The following KLHL32 variants were observed in gnomAD, a reference collection of about 807,000 sequenced individuals.
KLHL32 encodes the protein kelch-like protein 32.
In KLHL32, 35 loss-of-function variants were observed where a neutral mutation model predicts 64.8. That is an observed-to-expected ratio of 0.54 (90% CI 0.41 to 0.72). The LOEUF (loss-of-function observed/expected upper bound fraction) is 0.72, where lower values mean the gene tolerates loss of function less well. Ranked by LOEUF, KLHL32 falls within the 30% of genes least tolerant of loss-of-function variation. The pLI, the probability that KLHL32 is intolerant of heterozygous loss-of-function variation, is 0.00. For synonymous variants in KLHL32, 259 were observed against 281.0 expected, an observed-to-expected ratio of 0.92 and a Z score of 0.78; for missense variants, 589 against 768.5, an observed-to-expected ratio of 0.77 and a Z score of 2.76.
chr6:97,065,049 T>C (rs1562297715), intron 5 of KLHL32, among the ~76,000 whole-genome samples: 1 of 152,052 alleles, frequency 6.6e-6, no homozygotes, highest in Non-Finnish European at 1.5e-5. Context: ...GGAGTCCTAG[T>C]CCGAAGCAAT....
At chr6:97,105,868 T>G (rs1796345789) in intron 6 of KLHL32, among the ~76,000 whole-genome samples, 2 of 152,222 alleles carry the variant, frequency 1.3e-5, no homozygotes, top group African/African-American at 4.8e-5. Flanking sequence ...AGCCTGCTTT[T>G]TAAGGGCACT....
intron 6 of KLHL32, among the ~76,000 whole-genome samples, chr6:97,100,090 C>T (rs925755397): frequency 2.6e-5 from 4 of 151,864 alleles, no homozygotes; most frequent in Non-Finnish European, 5.9e-5. Context: ...AGCAGTACGC[C>T]AAGATTGTGC....
chr6:97,009,556 G>A lies in KLHL32; in HGVS notation c.205-31936G>A, dbSNP rs1219598428. ...GTGTATGGACTGGAAAAATGCATGC[G>A]AGATGTTCCTTTGCTTTGTATATTG... On this transcript the variant is annotated intron_variant, in intron 3 of 10. Transcript: ENST00000369261. 3.3e-5 allele frequency among the ~76,000 whole-genome samples: 5 copies of A among 152,238 alleles called. No homozygotes were observed. The East Asian group carries it at 9.6e-4, about 29-fold the overall frequency.
At chr6:96,974,249 T>C (rs1440077586) in intron 2 of KLHL32, among the ~76,000 whole-genome samples, 1 of 152,194 alleles carries the variant, frequency 6.6e-6, no homozygotes, top group Non-Finnish European at 1.5e-5. Flanking sequence ...TTCTCAAATA[T>C]ATTAAAAAGT....
At chr6:96,989,667 T>A (rs1777610429) in intron 3 of KLHL32, among the ~76,000 whole-genome samples, 1 of 152,132 alleles carries the variant, frequency 6.6e-6, no homozygotes, top group Admixed American at 6.6e-5. Flanking sequence ...CTTGGGAAAT[T>A]TTTCTGGATA....
chr6:96,978,661 G>C (rs1042995371), intron 3 of KLHL32, among the ~76,000 whole-genome samples: 2 of 152,188 alleles, frequency 1.3e-5, no homozygotes, highest in African/African-American at 4.8e-5. Context: ...TCTATACCCA[G>C]TAATGGGATT....
the KLHL32 span, among the ~76,000 whole-genome samples, chr6:96,900,416 T>C: frequency 3.5e-4 from 53 of 152,358 alleles, no homozygotes; most frequent in African/African-American, 1.3e-3. Context: ...AGACTCATGT[T>C]CTTCAATAAT....
At chr6:97,101,196 T>A (rs914145608) in intron 6 of KLHL32, among the ~76,000 whole-genome samples, 5 of 152,106 alleles carry the variant, frequency 3.3e-5, no homozygotes, top group African/African-American at 1.2e-4. Context: ...ACAGTTTTTT[T>A]AAACCATAAA....
At chr6:96,907,686 G>A in the KLHL32 span, among the ~76,000 whole-genome samples, 1 of 152,126 alleles carries the variant, frequency 6.6e-6, no homozygotes, top group Non-Finnish European at 1.5e-5. Flanking sequence ...TGTGATCTTA[G>A]GATGCCACAA....
rs1448821429 is a variant in KLHL32, at chr6:97,140,205, T to TAC, written c.*925_*926dup. On this transcript the variant is annotated 3_prime_UTR_variant, in exon 11 of 11. Coordinates refer to ENST00000369261, the MANE Select transcript of KLHL32 (RefSeq NM_052904.4). The stretch of plus-strand genomic sequence containing the variant: ...GGGAGTTTCTCAAAATCTAAACTTG[T>TAC]ACAGGTATCTAAACTTGCCTCAAGT... 5 of 149,938 alleles carry TAC rather than the reference T, an allele frequency of 3.3e-5. No homozygotes were observed. The highest frequency in any genetic ancestry group is 7.4e-5 in the African/African-American group (3 of 40,706). The allele number at this position is 149,938 out of a possible 1,614,324, so 9.3% of individuals were successfully genotyped here. A position where few individuals can be genotyped will look rare whatever the true frequency, so the allele number is the denominator to read the frequency against.
upstream of KLHL32, among the ~76,000 whole-genome samples, chr6:96,920,177 G>A (rs1768708920): frequency 6.6e-6 from 1 of 152,180 alleles, no homozygotes; most frequent in African/African-American, 2.4e-5. Flanking sequence ...CATGGTCAGG[G>A]AAAGGGACCT....
chr6:97,051,639 C>A (rs1240707899), intron 4 of KLHL32, among the ~76,000 whole-genome samples: 1 of 152,170 alleles, frequency 6.6e-6, no homozygotes, highest in Non-Finnish European at 1.5e-5. Flanking sequence ...TTTGTTCCTT[C>A]TTGATCATGT....
chr6:96,964,075 G>A (rs1188162437), intron 1 of KLHL32, among the ~76,000 whole-genome samples: 1 of 152,160 alleles, frequency 6.6e-6, no homozygotes, highest in Non-Finnish European at 1.5e-5. Flanking sequence ...AGCCCTAAAT[G>A]CTGGCTACCT....
intron 10 of KLHL32, among the ~76,000 whole-genome samples, chr6:97,136,418 T>C (rs1004746302): frequency 2.0e-4 from 31 of 152,190 alleles, no homozygotes; most frequent in Non-Finnish European, 3.5e-4. Flanking sequence ...GCAGAGATAC[T>C]CTTAGGTTGA....
intron 10 of KLHL32, among the ~76,000 whole-genome samples, chr6:97,138,444 CAGG>C (rs1389945318): frequency 2.0e-5 from 3 of 151,986 alleles, no homozygotes; most frequent in Non-Finnish European, 2.9e-5. Flanking sequence ...GAGGGTGAGG[CAGG>C]AGGATTGCTT....
chr6:97,003,740 A>G (rs933015094), intron 3 of KLHL32, among the ~76,000 whole-genome samples: 1 of 152,226 alleles, frequency 6.6e-6, no homozygotes, highest in African/African-American at 2.4e-5. Flanking sequence ...CCATTGATTG[A>G]ATAGGGAGTC....
rs143015023 is a variant in KLHL32 at position 97,011,548 on chromosome 6, A to G, written c.205-29944A>G. On this transcript the variant is annotated intron_variant, in intron 3 of 10. Coordinates refer to ENST00000369261, the MANE Select transcript of KLHL32 (RefSeq NM_052904.4). The stretch of plus-strand genomic sequence containing the variant: ...AGAGCAAAGAAAACTATTAAATTAT[A>G]AAATTGTTGAATTTCTTGTCACAAC... 6.3e-4 allele frequency among the ~76,000 whole-genome samples: 96 copies of G among 152,370 alleles called. 1 individual carries two copies. The highest frequency in any genetic ancestry group is 2.3e-3 in the African/African-American group (95 of 41,586).
At chr6:97,008,622 G>C (rs1779968665) in intron 3 of KLHL32, among the ~76,000 whole-genome samples, 1 of 151,968 alleles carries the variant, frequency 6.6e-6, no homozygotes, top group Admixed American at 6.6e-5. Flanking sequence ...GAGGTCATGG[G>C]GTCTCCTGCT....
At chr6:97,102,786 C>T (rs968037760) in intron 6 of KLHL32, among the ~76,000 whole-genome samples, 20 of 151,696 alleles carry the variant, frequency 1.3e-4, no homozygotes, top group South Asian at 2.1e-4. Context: ...AGGACATTTT[C>T]GCCATTTAAA....
Sources: allele counts gnomAD v4.1 joint callset (sites outside exome capture counted in the v4.1 genomes callset), GRCh38; gene constraint gnomAD v4.1.1; transcripts MANE v1.5; gene names NCBI Gene and HGNC (gene_info 2026-07-23, HGNC 2026-07-21).